CDH18: variants seen among roughly 807,000 people sequenced by gnomAD.
The protein encoded by CDH18 is cadherin-18.
Under a neutral mutation model 67.9 loss-of-function variants are expected in CDH18, and 31 were observed. The observed-to-expected ratio is 0.46, with a 90% CI of 0.34 to 0.62. CDH18 has a LOEUF of 0.62. Ranked by LOEUF, CDH18 falls within the 20% of genes least tolerant of loss-of-function variation. CDH18 has a pLI of 0.01. For missense variants in CDH18, 890 were observed against 975.5 expected (o/e 0.91, Z 1.17); for synonymous variants, 362 against 347.2 (o/e 1.04, Z -0.48).
intron 3 of CDH18, among the ~76,000 whole-genome samples, chr5:19,760,699 G>A (rs7728376): frequency 1.3e-5 from 2 of 152,104 alleles, no homozygotes; most frequent in Non-Finnish European, 2.9e-5. Flanking sequence ...TTTCAAGTGT[G>A]GTGCATGTCC....
chr5:19,778,470 T>C (rs925200634), intron 3 of CDH18, among the ~76,000 whole-genome samples: 2 of 152,206 alleles, frequency 1.3e-5, no homozygotes, highest in Non-Finnish European at 2.9e-5. Context: ...AAATACTATA[T>C]GAACTTATAA....
At chr5:19,840,485 T>C (rs755620135) in intron 2 of CDH18, among the ~76,000 whole-genome samples, 1 of 151,944 alleles carries the variant, frequency 6.6e-6, no homozygotes, top group Non-Finnish European at 1.5e-5. Context: ...GGCAGATCAC[T>C]TGAGGTCAGG....
At chr5:19,904,614 C>T (rs1312687510) in intron 2 of CDH18, among the ~76,000 whole-genome samples, 1 of 152,128 alleles carries the variant, frequency 6.6e-6, no homozygotes, top group African/African-American at 2.4e-5. Context: ...CTAACTGCGG[C>T]TCTGTAAATT....
intron 1 of CDH18, among the ~76,000 whole-genome samples, chr5:20,276,632 G>A (rs1745832417): frequency 6.6e-6 from 1 of 152,180 alleles, no homozygotes; most frequent in Non-Finnish European, 1.5e-5. Flanking sequence ...TTGAGAAAAG[G>A]AGAGGAAAGA....
chr5:19,739,771 T>C (rs1349804042), intron 4 of CDH18, among the ~76,000 whole-genome samples: 2 of 152,192 alleles, frequency 1.3e-5, no homozygotes, highest in African/African-American at 2.4e-5. Context: ...AATGATACCA[T>C]TCTGAACATT....
intron 3 of CDH18, among the ~76,000 whole-genome samples, chr5:19,765,406 T>A (rs6868913): frequency 0.18 from 27,530 of 150,210 alleles, 6,109 homozygotes; most frequent in African/African-American, 0.53. Flanking sequence ...ATTTTTTTTT[T>A]AATAAAAAAG....
intron 2 of CDH18, among the ~76,000 whole-genome samples, chr5:20,202,193 A>T (rs1194582081): frequency 6.6e-6 from 1 of 152,178 alleles, no homozygotes; most frequent in Non-Finnish European, 1.5e-5. Context: ...AAAGTGGAGC[A>T]TTCCAGGACA....
intron 1 of CDH18, among the ~76,000 whole-genome samples, chr5:20,280,363 T>G (rs1746156802): frequency 6.6e-6 from 1 of 151,996 alleles, no homozygotes; most frequent in Non-Finnish European, 1.5e-5. Context: ...TCCCCACTCC[T>G]CCCACCCAAC....
chr5:19,967,508 C>T (rs960732298), intron 2 of CDH18, among the ~76,000 whole-genome samples: 3 of 151,932 alleles, frequency 2.0e-5, no homozygotes, highest in Non-Finnish European at 2.9e-5. Flanking sequence ...ATATAACTTG[C>T]CTGTGGTGAT....
intron 2 of CDH18, among the ~76,000 whole-genome samples, chr5:20,173,684 GTTA>G (rs1369443409): frequency 6.6e-6 from 1 of 152,118 alleles, no homozygotes; most frequent in African/African-American, 2.4e-5. Flanking sequence ...AAGATGTTGA[GTTA>G]TTATGAATAA....
At chr5:19,558,912 G>A (rs1329876560) in intron 8 of CDH18, among the ~76,000 whole-genome samples, 1 of 150,824 alleles carries the variant, frequency 6.6e-6, no homozygotes, top group East Asian at 1.9e-4. Flanking sequence ...TTATGAACAC[G>A]ATCTAGGACA....
chr5:20,078,687 C>T (rs1449528845), intron 2 of CDH18, among the ~76,000 whole-genome samples: 5 of 151,856 alleles, frequency 3.3e-5, no homozygotes, highest in Admixed American at 2.6e-4. Context: ...ACTGCAATCC[C>T]CGCCTCCTGG....
At chr5:19,809,442 T>A (rs1260754457) in intron 3 of CDH18, among the ~76,000 whole-genome samples, 1 of 152,152 alleles carries the variant, frequency 6.6e-6, no homozygotes, top group Non-Finnish European at 1.5e-5. Context: ...CTGAAATTAA[T>A]GGGTGCAGCA....
chr5:19,780,068 G>A (rs1774918622), intron 3 of CDH18, among the ~76,000 whole-genome samples: 1 of 152,052 alleles, frequency 6.6e-6, no homozygotes, highest in Non-Finnish European at 1.5e-5. Flanking sequence ...TTAGCTTAAT[G>A]TACCCTTCAT....
At chr5:19,787,359 G>C (rs549847687) in intron 3 of CDH18, among the ~76,000 whole-genome samples, 1 of 151,996 alleles carries the variant, frequency 6.6e-6, no homozygotes, top group Non-Finnish European at 1.5e-5. Context: ...GGCTGAGGCA[G>C]GAGAATCGCT....
intron 1 of CDH18, among the ~76,000 whole-genome samples, chr5:20,273,187 A>G (rs1745564084): frequency 1.3e-5 from 2 of 152,088 alleles, no homozygotes; most frequent in African/African-American, 2.4e-5. Context: ...AGCTCAATGC[A>G]TTATTTAGGA....
intron 2 of CDH18, among the ~76,000 whole-genome samples, chr5:20,082,729 T>TCTGG (rs1580197593): frequency 6.6e-6 from 1 of 152,178 alleles, no homozygotes; most frequent in African/African-American, 2.4e-5. Flanking sequence ...AACCAATATA[T>TCTGG]CTGGATTCCT....
chr5:20,327,774 T>C (rs547402725), intron 1 of CDH18, among the ~76,000 whole-genome samples: 116 of 152,208 alleles, frequency 7.6e-4, no homozygotes, highest in Non-Finnish European at 1.1e-3. Flanking sequence ...TCATTGGGAA[T>C]GTGACCTTAG....
intron 2 of CDH18, among the ~76,000 whole-genome samples, chr5:20,146,773 T>C (rs1479814905): frequency 1.3e-5 from 2 of 152,046 alleles, no homozygotes; most frequent in Non-Finnish European, 2.9e-5. Context: ...GACAATACCA[T>C]ATTTCTGAAA....
Sources: allele counts gnomAD v4.1 joint callset (sites outside exome capture counted in the v4.1 genomes callset), GRCh38; gene constraint gnomAD v4.1.1; transcripts MANE v1.5; gene names NCBI Gene and HGNC (gene_info 2026-07-23, HGNC 2026-07-21).